PCDHA1: variants seen among roughly 807,000 people sequenced by gnomAD.
PCDHA1 encodes protocadherin alpha 1.
In PCDHA1, 42 loss-of-function variants were observed where a neutral mutation model predicts 61.3. The observed-to-expected ratio is 0.69, with a 90% CI of 0.54 to 0.89. The LOEUF (loss-of-function observed/expected upper bound fraction) is 0.89, where lower values mean the gene tolerates loss of function less well. PCDHA1 is among the 40% of genes least tolerant of loss of function. The pLI is 0.00. For missense variants in PCDHA1, 1,256 were observed against 1,235.3 expected, an observed-to-expected ratio of 1.02 and a Z score of -0.25; for synonymous variants, 610 against 553.8, an observed-to-expected ratio of 1.10 and a Z score of -1.43.
intron 1 of PCDHA1, chr5:140,842,451 T>A: frequency 6.2e-7 from 1 of 1,613,846 alleles, no homozygotes; most frequent in South Asian, 1.1e-5. Context: ...GTGAACGACC[T>A]CGATTCAGGT....
intron 1 of PCDHA1, among the ~76,000 whole-genome samples, chr5:140,964,836 T>G (rs1306843318): frequency 1.3e-5 from 2 of 152,148 alleles, no homozygotes; most frequent in African/African-American, 4.8e-5. Flanking sequence ...AATTGCTTCC[T>G]ACTCTGTACC....
chr5:140,924,909 AAT>A (rs1563069038), intron 1 of PCDHA1, among the ~76,000 whole-genome samples: 1,502 of 66,200 alleles, frequency 0.023, 33 homozygotes, highest in African/African-American at 0.07. Context: ...AAAAAAATAA[AAT>A]AAAATAAAAT....
At chr5:140,846,526 C>T (rs1554141357) in intron 1 of PCDHA1, among the ~76,000 whole-genome samples, 1 of 148,306 alleles carries the variant, frequency 6.7e-6, no homozygotes, top group Non-Finnish European at 1.5e-5. Context: ...AGGTGCATGC[C>T]ACCATGCCCT....
At chr5:140,884,659 A>G in intron 1 of PCDHA1, 1 of 1,597,068 alleles carries the variant, frequency 6.3e-7, no homozygotes, top group Non-Finnish European at 8.5e-7. Flanking sequence ...AATGCTTGAA[A>G]GAGGTAAGCT....
chr5:140,856,374 T>C, intron 1 of PCDHA1: 3 of 1,598,376 alleles, frequency 1.9e-6, no homozygotes, highest in Non-Finnish European at 2.6e-6. Flanking sequence ...GAGGTGATCG[T>C]GGACAGGCCG....
At chr5:140,967,919 G>A (rs1554230110) in intron 1 of PCDHA1, 1 of 1,614,212 alleles carries the variant, frequency 6.2e-7, no homozygotes, top group South Asian at 1.1e-5. Flanking sequence ...CACCATTGTG[G>A]CCGTTCTCAG....
chr5:140,876,181 G>T, intron 1 of PCDHA1: 1 of 1,613,982 alleles, frequency 6.2e-7, no homozygotes, highest in South Asian at 1.1e-5. Context: ...GGATGTGAAT[G>T]ACAATGGTCC....
At chr5:140,994,355 G>A (rs2097616615) in intron 3 of PCDHA1, among the ~76,000 whole-genome samples, 2 of 152,240 alleles carry the variant, frequency 1.3e-5, no homozygotes, top group South Asian at 4.1e-4. Flanking sequence ...TGGGACCTCA[G>A]AAGATGGAAT....
chr5:140,942,145 CAT>C (rs2093239780), intron 1 of PCDHA1, among the ~76,000 whole-genome samples: 1 of 152,176 alleles, frequency 6.6e-6, no homozygotes, highest in African/African-American at 2.4e-5. Context: ...CTTTACTTGA[CAT>C]AAAACAGCTT....
At chr5:140,848,899 C>T (rs1223339539) in intron 1 of PCDHA1, 1 of 1,605,974 alleles carries the variant, frequency 6.2e-7, no homozygotes, top group Admixed American at 1.7e-5. Context: ...GTGTTCCCAG[C>T]GACACAAAAG....
At chr5:140,877,093 G>C in intron 1 of PCDHA1, 1 of 1,613,296 alleles carries the variant, frequency 6.2e-7, no homozygotes, top group Non-Finnish European at 8.5e-7. Context: ...GCGCGACGCC[G>C]GCGTGCCGCC....
At chr5:140,802,688 G>T in intron 1 of PCDHA1, 1 of 1,613,020 alleles carries the variant, frequency 6.2e-7, no homozygotes, top group Non-Finnish European at 8.5e-7. Flanking sequence ...TGGTGGAACG[G>T]CGGGTGGGGG....
rs939533985 is a variant in PCDHA1, at chr5:140,794,819, T to C, written c.2394+6135T>C. ...TGTCGCTGTCCACCATAGAGTGTTC[T>C]CTAGGAAGGAAAATACCCAGAGCCC... On this transcript the variant is annotated intron_variant, in intron 1 of 3. Transcript: ENST00000504120. The C allele has an allele frequency of 6.9e-6, 6 of 872,872 alleles. No individual in the cohort carries two copies. In the Admixed American group the frequency reaches 1.2e-4, roughly 17 times the overall value. 54.1% of individuals were successfully genotyped at this position (872,872 alleles called of 1,614,324 possible). A position where few individuals can be genotyped will look rare whatever the true frequency, so the allele number is the denominator to read the frequency against.
intron 1 of PCDHA1, among the ~76,000 whole-genome samples, chr5:140,924,932 AAAAT>A (rs2082199458): frequency 7.6e-6 from 1 of 131,842 alleles, no homozygotes; most frequent in East Asian, 2.6e-4. Flanking sequence ...AAAATAAAAT[AAAAT>A]AAAAAGTTAA....
Position 140,841,790 on chromosome 5 carries a change from G to A in PCDHA1, c.2394+53106G>A, listed in dbSNP as rs2150322746. The A allele has an allele frequency of 5.6e-6, 9 of 1,613,884 alleles. No individual in the cohort carries two copies. The South Asian group carries it at 7.7e-5, about 14-fold the overall frequency. The stretch of plus-strand genomic sequence containing the variant: ...AGACTCTCGGTTTCCGCTAGAGGGC[G>A]CGTCCGATGCAGATGTTGGAGCTAA... On this transcript the variant is annotated intron_variant, in intron 1 of 3. Coordinates refer to ENST00000504120, the MANE Select transcript of PCDHA1 (RefSeq NM_018900.4).
At position 140,809,064 on chromosome 5, in the gene PCDHA1, T is replaced by G. The variant is rs543142225; in HGVS notation, c.2394+20380T>G. The G allele has an allele frequency of 8.1e-6, 13 of 1,613,910 alleles. No homozygotes were observed. The South Asian group carries it at 1.4e-4, about 18-fold the overall frequency. ...GCGCGCATCCCGTTCCGCGTGGGGCTGTACACTGGCGAGATCAGCACAACG... is the reference window on the plus strand; with the variant it reads ...GCGCGCATCCCGTTCCGCGTGGGGCGGTACACTGGCGAGATCAGCACAACG... On this transcript the variant is annotated intron_variant, in intron 1 of 3. Transcript: ENST00000504120.
chr5:141,006,794 A>G (rs1416356472), intron 3 of PCDHA1, among the ~76,000 whole-genome samples: 1 of 152,160 alleles, frequency 6.6e-6, no homozygotes, highest in African/African-American at 2.4e-5. Context: ...ATTAGCTTTG[A>G]ACTTTCTGGC....
intron 1 of PCDHA1, among the ~76,000 whole-genome samples, chr5:140,926,001 C>A (rs782316154): frequency 3.3e-5 from 5 of 152,302 alleles, no homozygotes; most frequent in Middle Eastern, 3.4e-3. Flanking sequence ...TCCGCTGCCT[C>A]GAAAAGCCAG....
chr5:140,823,565 A>AC (rs1767768835), intron 1 of PCDHA1: 1 of 1,613,806 alleles, frequency 6.2e-7, no homozygotes, highest in Non-Finnish European at 8.5e-7. Flanking sequence ...CGCGCAGTGG[A>AC]CCCTGATTCG....
Sources: gnomAD v4.1 joint callset for allele counts (sites outside exome capture counted in the v4.1 genomes callset) on GRCh38, gnomAD v4.1.1 for gene constraint, MANE v1.5 for transcripts, NCBI Gene and HGNC (gene_info 2026-07-23, HGNC 2026-07-21) for gene names.